The following KIF26B variants were observed in gnomAD, a reference collection of about 807,000 sequenced individuals.
KIF26B encodes kinesin-like protein KIF26B.
A neutral mutation model predicts 151.2 loss-of-function variants in KIF26B; 63 were observed. The ratio of observed to expected loss-of-function variants is 0.42; its 90% confidence interval spans 0.34 to 0.51. The LOEUF (loss-of-function observed/expected upper bound fraction) is 0.51. KIF26B is among the 20% of genes least tolerant of loss of function. The pLI is 0.07. For synonymous variants in KIF26B, 1,357 were observed against 1,262.1 expected (o/e 1.08, Z -1.59); for missense variants, 2,813 against 2,913.6 (o/e 0.97, Z 0.79).
chr1:245,546,071 TACTA>T (rs762847967), intron 5 of KIF26B, among the ~76,000 whole-genome samples: 1 of 152,248 alleles, frequency 6.6e-6, no homozygotes, highest in Non-Finnish European at 1.5e-5. Flanking sequence ...GTCATTCAGT[TACTA>T]ACTCCTTGTG....
At chr1:245,657,387 C>T (rs2044086636) in intron 10 of KIF26B, among the ~76,000 whole-genome samples, 1 of 152,182 alleles carries the variant, frequency 6.6e-6, no homozygotes, top group Non-Finnish European at 1.5e-5. Context: ...TTCACTGCTC[C>T]CTTCATTAAG....
chr1:245,649,346 C>A (rs1215384229), intron 10 of KIF26B, among the ~76,000 whole-genome samples: 3 of 152,218 alleles, frequency 2.0e-5, no homozygotes, highest in Non-Finnish European at 4.4e-5. Context: ...GAGGCCTCGA[C>A]AGTTCCCAGC....
chr1:245,401,635 G>A (rs1192981488), intron 3 of KIF26B, among the ~76,000 whole-genome samples: 3 of 152,168 alleles, frequency 2.0e-5, no homozygotes, highest in Non-Finnish European at 4.4e-5. Context: ...TTGGGAGGCC[G>A]AGGCGGGCGG....
At chr1:245,383,141 C>A (rs1378779644) in intron 3 of KIF26B, among the ~76,000 whole-genome samples, 1 of 151,816 alleles carries the variant, frequency 6.6e-6, no homozygotes, top group Non-Finnish European at 1.5e-5. Context: ...TGGCTCTCTG[C>A]TTATTGCAGC....
At chr1:245,365,288 T>G (rs1672919211) in intron 2 of KIF26B, among the ~76,000 whole-genome samples, 1 of 152,192 alleles carries the variant, frequency 6.6e-6, no homozygotes, top group South Asian at 2.1e-4. Flanking sequence ...TTGCTTCCCA[T>G]CATTGTGTCT....
chr1:245,282,853 G>A (rs186409795), intron 2 of KIF26B: 4 of 228,462 alleles, frequency 1.8e-5, no homozygotes, highest in East Asian at 1.1e-4. Flanking sequence ...TCTGTGAGCA[G>A]CAATTATTTT....
Position 245,170,815 on chromosome 1 carries a change from G to T in KIF26B, c.465+14132G>T, listed in dbSNP as rs1668695561. Among the ~76,000 whole-genome samples, 3 of 152,176 alleles carry T rather than the reference G, an allele frequency of 2.0e-5. No individual in the cohort carries two copies. Among genetic ancestry groups the T allele is most frequent in the Admixed American group, 2.0e-4 (3 of 15,278 alleles). ...GGGGGTTAGGTTTCAACATGATTTT[G>T]GGGAGAACATAAGCGTTCAGTCTGT... is the stretch of plus-strand genomic sequence containing the variant. On this transcript the variant is annotated intron_variant, in intron 2 of 14. Transcript: ENST00000407071. This position sits in a 1 kb window ranked among gnomAD's most constrained non-coding sequence, Gnocchi z 4.4.
chr1:245,201,565 A>G (rs1472098090), intron 2 of KIF26B, among the ~76,000 whole-genome samples: 2 of 152,192 alleles, frequency 1.3e-5, no homozygotes, highest in Non-Finnish European at 2.9e-5. Flanking sequence ...TAAGACAACA[A>G]CCTAGAGGCA....
At chr1:245,189,717 A>C (rs1272480509) in intron 2 of KIF26B, among the ~76,000 whole-genome samples, 1 of 152,218 alleles carries the variant, frequency 6.6e-6, no homozygotes, top group East Asian at 1.9e-4. Context: ...CTAGAGCTGG[A>C]AGGTTGTGTG....
At chr1:245,649,127 A>G (rs571946520) in intron 10 of KIF26B, among the ~76,000 whole-genome samples, 29 of 152,274 alleles carry the variant, frequency 1.9e-4, no homozygotes, top group African/African-American at 6.7e-4. Context: ...ATTGTACGTG[A>G]TCTTAAAAAG....
At chr1:245,435,854 G>A (rs1278323986) in intron 4 of KIF26B, among the ~76,000 whole-genome samples, 2 of 152,174 alleles carry the variant, frequency 1.3e-5, no homozygotes, top group Non-Finnish European at 1.5e-5. Flanking sequence ...TGTCCCTAAG[G>A]TGAGCGCTTT....
At chr1:245,259,934 CAAAAAA>C (rs35913005) in intron 2 of KIF26B, among the ~76,000 whole-genome samples, 2 of 72,014 alleles carry the variant, frequency 2.8e-5, no homozygotes, top group African/African-American at 5.5e-5. Flanking sequence ...GGTCCTGTCT[CAAAAAA>C]AAAAAAAAAA....
intron 2 of KIF26B, among the ~76,000 whole-genome samples, chr1:245,209,088 A>G (rs1462063853): frequency 6.6e-6 from 1 of 152,204 alleles, no homozygotes; most frequent in Non-Finnish European, 1.5e-5. Flanking sequence ...AGAACCGATA[A>G]CAGAGTGGAC....
chr1:245,459,388 A>G (rs905348308), intron 4 of KIF26B, among the ~76,000 whole-genome samples: 1 of 152,068 alleles, frequency 6.6e-6, no homozygotes, highest in African/African-American at 2.4e-5. Flanking sequence ...CTCCTCTTCT[A>G]TCCCCACCCG....
chr1:245,309,409 C>T (rs1051734098), intron 2 of KIF26B, among the ~76,000 whole-genome samples: 3 of 151,996 alleles, frequency 2.0e-5, no homozygotes, highest in Non-Finnish European at 2.9e-5. Flanking sequence ...CCTGACTGCT[C>T]GATCTGGGAC....
intron 10 of KIF26B, among the ~76,000 whole-genome samples, chr1:245,657,916 AC>A (rs2044091816): frequency 6.6e-6 from 1 of 152,140 alleles, no homozygotes; most frequent in Admixed American, 6.5e-5. Flanking sequence ...TGTGCCCACC[AC>A]CCAGGTTAGG....
intron 10 of KIF26B, among the ~76,000 whole-genome samples, chr1:245,654,570 T>C (rs2044053580): frequency 1.3e-5 from 2 of 152,140 alleles, no homozygotes; most frequent in Non-Finnish European, 2.9e-5. Context: ...AGCCTGACAG[T>C]TCATGGAGCC....
chr1:245,211,241 G>A (rs1404181493), intron 2 of KIF26B, among the ~76,000 whole-genome samples: 2 of 152,176 alleles, frequency 1.3e-5, no homozygotes, highest in African/African-American at 4.8e-5. Context: ...CTGAGCCCCT[G>A]TGTGGCCTGA....
intron 4 of KIF26B, among the ~76,000 whole-genome samples, chr1:245,500,414 A>G (rs1660596995): frequency 2.6e-5 from 4 of 152,240 alleles, no homozygotes; most frequent in Admixed American, 2.6e-4. Flanking sequence ...ACACATTCCA[A>G]GTTTTGTCAG....
Sources: allele counts gnomAD v4.1 joint callset (sites outside exome capture counted in the v4.1 genomes callset), GRCh38; gene constraint gnomAD v4.1.1; non-coding constraint Gnocchi (gnomAD v3.1); transcripts MANE v1.5; gene names NCBI Gene and HGNC (gene_info 2026-07-23, HGNC 2026-07-21).